ADGRG1: variants seen among roughly 807,000 people sequenced by gnomAD.
The protein encoded by ADGRG1 is adhesion G protein-coupled receptor G1, also known as 7-transmembrane protein with no EGF-like N-terminal domains-1.
In ADGRG1, 53 loss-of-function variants were observed where a neutral mutation model predicts 73.5. That is an observed-to-expected ratio of 0.72 (90% CI 0.58 to 0.91). The LOEUF is 0.91. ADGRG1 is among the 40% of genes least tolerant of loss of function. ADGRG1 has a pLI of 0.00. For synonymous variants in ADGRG1, 394 were observed against 374.4 expected (o/e 1.05, Z -0.60); for missense variants, 795 against 871.8 (o/e 0.91, Z 1.11).
chr16:57,630,973 G>A (rs140681845), intron 1 of ADGRG1: 10 of 985,886 alleles, frequency 1.0e-5, no homozygotes, highest in Admixed American at 6.1e-5. Flanking sequence ...TGCTCTGTGG[G>A]GGGGAAGAGA....
chr16:57,634,402 C>T (rs1392065494), intron 1 of ADGRG1: 1 of 985,452 alleles, frequency 1.0e-6, no homozygotes, highest in Non-Finnish European at 1.2e-6. Flanking sequence ...GTGTCACCAT[C>T]TGGGCACGGG....
upstream of ADGRG1, among the ~76,000 whole-genome samples, chr16:57,625,122 G>T (rs188350062): frequency 6.6e-4 from 101 of 151,992 alleles, no homozygotes; most frequent in African/African-American, 2.1e-3. Context: ...AGGGTTTCCT[G>T]CACCTTCAGC....
At chr16:57,660,954 ATGCTGGCC>A in intron 12 of ADGRG1, 78 bp downstream of exon 12, 2 of 885,440 alleles carry the variant, frequency 2.3e-6, no homozygotes, top group Non-Finnish European at 3.8e-6. Context: ...GGCCCAGGTC[ATGCTGGCC>A]AGGGGACACC....
At chr16:57,628,851 T>A (rs1234439388) in intron 1 of ADGRG1, 49 bp downstream of exon 1, 17 of 979,838 alleles carry the variant, frequency 1.7e-5, no homozygotes, top group Non-Finnish European at 2.1e-5. Context: ...ATAGTGTGAG[T>A]GTGAGAGTGT....
intron 12 of ADGRG1, chr16:57,661,478 C>T: frequency 1.0e-6 from 1 of 982,874 alleles, no homozygotes; most frequent in African/African-American, 1.7e-5. Flanking sequence ...TTCTGCCTCA[C>T]TTTTGTACTA....
At chr16:57,639,691 C>G (rs2040272164) in intron 1 of ADGRG1, 3 of 979,148 alleles carry the variant, frequency 3.1e-6, no homozygotes, top group South Asian at 9.4e-5. Flanking sequence ...CCCGCCTCCT[C>G]TCCCCTCCTC....
rs1446290116 is a variant in ADGRG1, at chr16:57,639,423, CT to C, written c.-36+10623del. 6 of 985,500 alleles carry C rather than the reference CT, an allele frequency of 6.1e-6. No individual in the cohort carries two copies. The East Asian group carries it at 6.8e-4, about 112-fold the overall frequency. The allele number at this position is 985,500 out of a possible 1,614,324, so 61.0% of individuals were successfully genotyped here. On this transcript the variant is annotated intron_variant, in intron 1 of 13. Transcript: ENST00000562631. ...CCAGGGGCTGCTGTCACCTGCGCCC[CT>C]TCTCCCGCGCTGGCGGCTGGGGCTT...
In ADGRG1 at chr16:57,665,258, G is replaced by T. The variant is rs1159147440; in HGVS notation, c.*1676G>T. 3 of 152,264 alleles carry T rather than the reference G, an allele frequency of 2.0e-5. No homozygotes were observed. Among genetic ancestry groups the T allele is most frequent in the African/African-American group, 4.8e-5 (2 of 41,432 alleles). The allele number at this position is 152,264 out of a possible 1,614,324, so 9.4% of individuals were successfully genotyped here. On this transcript the variant is annotated 3_prime_UTR_variant, in exon 14 of 14. Transcript: ENST00000562631. ...CTGTGCTGGGGAGGCAATGGGGAGT[G>T]GTGGGGCCTGTGGCGAACTGGAGAC...
chr16:57,662,000 G>C lies in ADGRG1; in HGVS notation c.1933+35G>C, dbSNP rs756022437. On this transcript the variant is annotated intron_variant, in intron 13 of 13. Coordinates refer to ENST00000562631, the MANE Select transcript of ADGRG1 (RefSeq NM_201525.4). ...AGACCCGTCCCTTGGCCCAGGCAGG[G>C]TGTCTACACATGGAGCAAGGGCAGG... is the stretch of plus-strand genomic sequence containing the variant. 1.9e-6 allele frequency: 3 copies of C among 1,551,412 alleles called. No individual in the cohort carries two copies. The Admixed American group carries it at 5.0e-5, about 26-fold the overall frequency.
intron 1 of ADGRG1, chr16:57,631,376 T>C: frequency 1.0e-6 from 1 of 985,316 alleles, no homozygotes; most frequent in Non-Finnish European, 1.2e-6. Flanking sequence ...GCAGGTGGGG[T>C]CTGGGGGGCT....
At chr16:57,628,432 C>T (rs890826349), upstream of ADGRG1, 4 of 800,458 alleles carry the variant, frequency 5.0e-6, no homozygotes, top group South Asian at 5.7e-5. Context: ...CCCCCTTGCC[C>T]GGCGCTGAGT....
At chr16:57,632,289 A>G (rs1008169982) in intron 1 of ADGRG1, 1 of 985,280 alleles carries the variant, frequency 1.0e-6, no homozygotes, top group Non-Finnish European at 1.2e-6. Flanking sequence ...CAGGGCCCGT[A>G]GAGACAGCAA....
intron 1 of ADGRG1, chr16:57,646,756 A>C: frequency 1.1e-6 from 1 of 940,026 alleles, no homozygotes. Context: ...CCCCAGCCTC[A>C]GTGTCCGCAT....
In ADGRG1 at chr16:57,639,210, C is replaced by T. The variant is rs7187902; in HGVS notation, c.-36+10408C>T. 227,384 of 963,732 alleles carry T rather than the reference C, an allele frequency of 0.24. 27,103 individuals are homozygous for T. The highest frequency in any genetic ancestry group is 0.26 in the African/African-American group (15,063 of 56,846). The allele number at this position is 963,732 out of a possible 1,614,324, so 59.7% of individuals were successfully genotyped here. Reference sequence around the variant, plus strand: ...TCCCTTCAAGACAGGCAGGTGTCCCCGGGGCTCCCCATAAATCGCTGTCCT... The same window carrying T: ...TCCCTTCAAGACAGGCAGGTGTCCCTGGGGCTCCCCATAAATCGCTGTCCT... On this transcript the variant is annotated intron_variant, in intron 1 of 13. Transcript: ENST00000562631.
chr16:57,625,763 T>G (rs1273323167), upstream of ADGRG1: 1 of 564,002 alleles, frequency 1.8e-6, no homozygotes, highest in Non-Finnish European at 2.2e-6. Context: ...CCCAGTACCT[T>G]TGATTTAAGC....
chr16:57,659,258 T>G, intron 10 of ADGRG1, 155 bp from the exon 11 acceptor site: 1 of 1,501,536 alleles, frequency 6.7e-7, no homozygotes, highest in South Asian at 1.3e-5. Flanking sequence ...GGGGAACAGT[T>G]TGGCTGCAGC....
rs140681845 is a variant in ADGRG1 at position 57,630,973 on chromosome 16, G to C, written c.-36+2171G>C. On this transcript the variant is annotated intron_variant, in intron 1 of 13. Transcript: ENST00000562631. ...CAGCAGGTCTCAATCTGCTCTGTGGGGGGGAAGAGAGGCAGGAGGACTCGC... is the reference window on the plus strand; with the variant it reads ...CAGCAGGTCTCAATCTGCTCTGTGGCGGGGAAGAGAGGCAGGAGGACTCGC... 123 of 985,884 alleles carry C rather than the reference G, an allele frequency of 1.2e-4. No individual in the cohort carries two copies. In the East Asian group the frequency reaches 4.6e-3, roughly 37 times the overall value. The allele number at this position is 985,884 out of a possible 1,614,324, so 61.1% of individuals were successfully genotyped here. A position where few individuals can be genotyped will look rare whatever the true frequency, so the allele number is the denominator to read the frequency against.
chr16:57,644,737 A>C lies in ADGRG1; in HGVS notation c.-35-5516A>C, dbSNP rs1405110854. ...TGATCACACGCACTGGCACACACTGATCACACGTATGCACGGGCACACACC... is the reference window on the plus strand; with the variant it reads ...TGATCACACGCACTGGCACACACTGCTCACACGTATGCACGGGCACACACC... On this transcript the variant is annotated intron_variant, in intron 1 of 13. Coordinates refer to ENST00000562631, the MANE Select transcript of ADGRG1 (RefSeq NM_201525.4). Among the ~76,000 whole-genome samples the C allele has an allele frequency of 5.2e-5, 6 of 114,600 alleles. No individual in the cohort carries two copies. In the East Asian group the frequency reaches 1.5e-3, roughly 28 times the overall value. 75.2% of individuals were successfully genotyped at this position (114,600 alleles called of 152,430 possible).
At chr16:57,626,461 C>A, upstream of ADGRG1, 1 of 331,694 alleles carries the variant, frequency 3.0e-6, no homozygotes, top group Non-Finnish European at 4.3e-6. Flanking sequence ...GCTTGTCTCT[C>A]TAGCCAGACT....
Sources: gnomAD v4.1 joint callset for allele counts (sites outside exome capture counted in the v4.1 genomes callset) on GRCh38, gnomAD v4.1.1 for gene constraint, MANE v1.5 for transcripts, NCBI Gene and HGNC (gene_info 2026-07-23, HGNC 2026-07-21) for gene names.